Variants in NKAIN3 observed in about 807,000 individuals in gnomAD.
NKAIN3 encodes the protein sodium/potassium-transporting ATPase subunit beta-1-interacting protein 3.
Under a neutral mutation model 30.2 loss-of-function variants are expected in NKAIN3, and 25 were observed. The ratio of observed to expected loss-of-function variants is 0.83; its 90% CI spans 0.60 to 1.16. The LOEUF is 1.16. NKAIN3 is among the 50% of genes most tolerant of loss of function. The pLI is 0.00. For synonymous variants in NKAIN3, 91 were observed against 89.6 expected (o/e 1.02, Z -0.09); for missense variants, 225 against 254.1 (o/e 0.89, Z 0.78).
intron 3 of NKAIN3, among the ~76,000 whole-genome samples, chr8:62,604,694 T>A (rs1811072704): frequency 6.6e-6 from 1 of 152,128 alleles, no homozygotes; most frequent in Admixed American, 6.6e-5. Flanking sequence ...ATTTCTAGGA[T>A]TAGAATTGGA....
At chr8:62,965,224 A>G (rs1823675936) in intron 6 of NKAIN3, 130 bp from the exon 7 acceptor site, 1 of 842,540 alleles carries the variant, frequency 1.2e-6, no homozygotes, top group Non-Finnish European at 1.4e-6. Flanking sequence ...TAACTTTCTT[A>G]TTGCTACAGT....
chr8:62,645,325 T>G lies in NKAIN3; in HGVS notation c.273+55531T>G, dbSNP rs562930241. ...TTTACCCCAAATTTTTATTCTATAT[T>G]TTTGCAGTTTGTAAGTAGAGAAAAA... On this transcript the variant is annotated intron_variant, in intron 3 of 6. Coordinates refer to ENST00000623646, the MANE Select transcript of NKAIN3 (RefSeq NM_001304533.3). Among the ~76,000 whole-genome samples, 3 of 152,274 alleles carry G rather than the reference T, an allele frequency of 2.0e-5. No individual in the cohort carries two copies. The South Asian group carries it at 6.2e-4, about 32-fold the overall frequency.
In NKAIN3 at chr8:62,860,374, G is replaced by A. The variant is rs144453416; in HGVS notation, c.472-58079G>A. ...CCATCACCTTTCTTGCATGTAAAAT[G>A]AAATCATACCACTCACTCAAGGGGC... On this transcript the variant is annotated intron_variant, in intron 4 of 6. Transcript: ENST00000623646. Among the ~76,000 whole-genome samples, 83 of 152,286 alleles carry A rather than the reference G, an allele frequency of 5.5e-4. No homozygotes were observed. In the East Asian group the frequency reaches 0.015, roughly 28 times the overall value.
chr8:62,476,880 C>T (rs1806537014), intron 1 of NKAIN3, among the ~76,000 whole-genome samples: 1 of 152,120 alleles, frequency 6.6e-6, no homozygotes, highest in Non-Finnish European at 1.5e-5. Context: ...CCTGTGGCCC[C>T]TTTAAATTGT....
intron 4 of NKAIN3, among the ~76,000 whole-genome samples, chr8:62,836,023 C>G (rs1819350460): frequency 6.6e-6 from 1 of 152,002 alleles, no homozygotes; most frequent in South Asian, 2.1e-4. Flanking sequence ...AAAGCACAAT[C>G]ATGATCTTTG....
intron 1 of NKAIN3, among the ~76,000 whole-genome samples, chr8:62,321,165 C>G (rs1206289047): frequency 6.6e-6 from 1 of 152,178 alleles, no homozygotes; most frequent in Non-Finnish European, 1.5e-5. Flanking sequence ...ACTTCTCATG[C>G]CATGGTTTCA....
chr8:62,378,658 T>C (rs1817174334), intron 1 of NKAIN3, among the ~76,000 whole-genome samples: 1 of 152,126 alleles, frequency 6.6e-6, no homozygotes, highest in Non-Finnish European at 1.5e-5. Flanking sequence ...CTTGACACCT[T>C]CCACGTAGCG....
Position 62,731,221 on chromosome 8 carries a change from A to G in NKAIN3, c.274-15711A>G, listed in dbSNP as rs1292500235. ...CATTGTTTCCGAGCCATTTCAGTGG[A>G]CAGGGATCACAGGACACACACACAC... is the stretch of plus-strand genomic sequence containing the variant. On this transcript the variant is annotated intron_variant, in intron 3 of 6. Transcript: ENST00000623646. 1.0e-4 allele frequency among the ~76,000 whole-genome samples: 14 copies of G among 135,184 alleles called. No homozygotes were observed. In the Admixed American group the frequency reaches 1.1e-3, roughly 11 times the overall value. The allele number at this position is 135,184 out of a possible 152,430, so 88.7% of individuals were successfully genotyped here.
intron 3 of NKAIN3, among the ~76,000 whole-genome samples, chr8:62,600,216 A>G (rs1361635140): frequency 1.3e-5 from 2 of 152,058 alleles, no homozygotes; most frequent in African/African-American, 4.8e-5. Flanking sequence ...AGAATTTTCA[A>G]TGTGTCACAT....
At chr8:62,889,370 C>T (rs534421496) in intron 4 of NKAIN3, among the ~76,000 whole-genome samples, 3 of 151,192 alleles carry the variant, frequency 2.0e-5, no homozygotes, top group South Asian at 2.1e-4. Context: ...AACTCCATCT[C>T]GAAAAAAATA....
chr8:62,429,482 T>C (rs1240308727), intron 1 of NKAIN3, among the ~76,000 whole-genome samples: 1 of 151,986 alleles, frequency 6.6e-6, no homozygotes, highest in East Asian at 1.9e-4. Context: ...AATGATCTTT[T>C]TAATAGGTTA....
At chr8:62,662,526 T>C (rs1812978132) in intron 3 of NKAIN3, among the ~76,000 whole-genome samples, 1 of 152,212 alleles carries the variant, frequency 6.6e-6, no homozygotes, top group African/African-American at 2.4e-5. Flanking sequence ...AATCATCGTA[T>C]CCCCCTAACC....
chr8:62,283,449 T>G (rs897698050), intron 1 of NKAIN3, among the ~76,000 whole-genome samples: 2 of 152,182 alleles, frequency 1.3e-5, no homozygotes, highest in African/African-American at 4.8e-5. Flanking sequence ...ATTGGATCCC[T>G]GGTTTGGTCC....
intron 3 of NKAIN3, among the ~76,000 whole-genome samples, chr8:62,692,396 G>A (rs1337255052): frequency 6.6e-6 from 1 of 152,134 alleles, no homozygotes; most frequent in African/African-American, 2.4e-5. Context: ...GCACAACACA[G>A]GTTCTATAAA....
At chr8:62,668,909 A>G (rs1813213466) in intron 3 of NKAIN3, among the ~76,000 whole-genome samples, 1 of 152,182 alleles carries the variant, frequency 6.6e-6, no homozygotes, top group South Asian at 2.1e-4. Flanking sequence ...AGTCATAACA[A>G]TGACAAAGTA....
rs5891884 is a variant in NKAIN3, at chr8:62,930,708, C to CTT, written c.532+12207_532+12208dup. 3.3e-4 allele frequency among the ~76,000 whole-genome samples: 48 copies of CTT among 145,208 alleles called. 1 individual carries two copies. The highest frequency in any genetic ancestry group is 1.5e-3 in the South Asian group (7 of 4,556). On this transcript the variant is annotated intron_variant, in intron 5 of 6. Transcript: ENST00000623646. Reference sequence around the variant, plus strand: ...TTGTAGCATGTATCAGAATTTCATCCTTTTTTTTTTTTTGAGACGGAGTCT... The same window carrying CTT: ...TTGTAGCATGTATCAGAATTTCATCCTTTTTTTTTTTTTTTGAGACGGAGTCT...
At chr8:62,402,327 C>G (rs1462756414) in intron 1 of NKAIN3, among the ~76,000 whole-genome samples, 2 of 152,294 alleles carry the variant, frequency 1.3e-5, no homozygotes, top group East Asian at 3.9e-4. Context: ...GTGGACTCCT[C>G]TTTGACTCAG....
At chr8:62,401,110 A>G (rs1803854440) in intron 1 of NKAIN3, among the ~76,000 whole-genome samples, 1 of 149,414 alleles carries the variant, frequency 6.7e-6, no homozygotes. Context: ...GCATGCATGC[A>G]TTATTCTCAT....
intron 3 of NKAIN3, among the ~76,000 whole-genome samples, chr8:62,678,969 A>G (rs1384994220): frequency 2.6e-5 from 4 of 152,186 alleles, no homozygotes; most frequent in Non-Finnish European, 5.9e-5. Context: ...CTTAAGATAT[A>G]TGAAAAAAGG....
Sources: allele counts gnomAD v4.1 joint callset (sites outside exome capture counted in the v4.1 genomes callset), GRCh38; gene constraint gnomAD v4.1.1; transcripts MANE v1.5; gene names NCBI Gene and HGNC (gene_info 2026-07-23, HGNC 2026-07-21).